The following FREM1 variants were observed in gnomAD, a reference collection of about 807,000 sequenced individuals.
FREM1 encodes the protein FRAS1-related extracellular matrix protein 1.
In FREM1, 220 loss-of-function variants were observed where a neutral mutation model predicts 210.1. The observed-to-expected ratio is 1.05, with a 90% CI of 0.94 to 1.17. The LOEUF is 1.17. Among genes scored for constraint, FREM1 ranks in the 50% most tolerant of loss-of-function variants. The probability of loss-of-function intolerance (pLI) is 0.00; values close to 1 mark genes in which losing one functional copy is unlikely to be tolerated. For synonymous variants in FREM1, 1,189 were observed against 980.2 expected (o/e 1.21, Z -3.98); for missense variants, 3,454 against 2,675.5 (o/e 1.29, Z -6.42).
intron 25 of FREM1, among the ~76,000 whole-genome samples, chr9:14,773,202 T>G (rs1354787015): frequency 6.6e-6 from 1 of 152,202 alleles, no homozygotes; most frequent in Non-Finnish European, 1.5e-5. Context: ...ACCTGACCCC[T>G]TTAAAGGAGA....
chr9:14,868,432 G>T (rs575804180), intron 2 of FREM1, among the ~76,000 whole-genome samples: 1 of 152,252 alleles, frequency 6.6e-6, no homozygotes, highest in South Asian at 2.1e-4. Flanking sequence ...AAAATTACAT[G>T]CATCCATATT....
intron 21 of FREM1, among the ~76,000 whole-genome samples, chr9:14,795,191 C>T (rs749982705): frequency 3.9e-4 from 59 of 152,182 alleles, no homozygotes; most frequent in African/African-American, 1.3e-3. Context: ...GCACTTACCA[C>T]GTAGTAGCTA....
At chr9:14,789,434 G>C (rs895608638) in intron 22 of FREM1, among the ~76,000 whole-genome samples, 9 of 152,104 alleles carry the variant, frequency 5.9e-5, no homozygotes, top group Non-Finnish European at 1.0e-4. Context: ...AAGAGGAGGT[G>C]GGTAATCGAG....
rs1821859110 is a variant in FREM1, at chr9:14,824,011, G to A, written c.2169+14C>T. ...TTGCATCATGTTTGTCAGCATTTTA[G>A]CATATCCTCATACCTGAGTGAATGA... On this transcript the variant is annotated intron_variant, in intron 12 of 36. Coordinates refer to ENST00000380880, the MANE Select transcript of FREM1 (RefSeq NM_001379081.2). 1.3e-6 allele frequency: 2 copies of A among 1,526,408 alleles called. No homozygotes were observed. The highest frequency in any genetic ancestry group is 1.2e-5 in the South Asian group (1 of 83,552). 94.6% of individuals were successfully genotyped at this position (1,526,408 alleles called of 1,614,324 possible). A position where few individuals can be genotyped will look rare whatever the true frequency, so the allele number is the denominator to read the frequency against.
intron 10 of FREM1, among the ~76,000 whole-genome samples, chr9:14,838,489 GCACACACACACA>G (rs4008011): frequency 6.7e-6 from 1 of 150,000 alleles, no homozygotes; most frequent in Non-Finnish European, 1.5e-5. Context: ...ATGCTTGCCA[GCACACACACACA>G]CACACACATA....
intron 10 of FREM1, among the ~76,000 whole-genome samples, chr9:14,833,541 C>A (rs80060310): frequency 0.01 from 1,578 of 152,240 alleles, 17 homozygotes; most frequent in Middle Eastern, 0.027. Flanking sequence ...TTTGAAAATA[C>A]CTTGCACACT....
At chr9:14,902,220 T>C (rs533336601) in intron 1 of FREM1, among the ~76,000 whole-genome samples, 1 of 152,308 alleles carries the variant, frequency 6.6e-6, no homozygotes, top group South Asian at 2.1e-4. Context: ...TAATGCCAGA[T>C]CTCTCTGGCC....
chr9:14,806,404 T>C (rs1223765877), intron 18 of FREM1, among the ~76,000 whole-genome samples: 1 of 152,064 alleles, frequency 6.6e-6, no homozygotes, highest in Non-Finnish European at 1.5e-5. Context: ...TACAGGCATA[T>C]GCCACCACAC....
At position 14,805,151 on chromosome 9, in the gene FREM1, A is replaced by T. The variant is rs1818130635; in HGVS notation, c.3276T>A (p.Asp1092Glu). The T allele has an allele frequency of 6.5e-7, 1 of 1,542,938 alleles. No homozygotes were observed. The highest frequency in any genetic ancestry group is 8.7e-7 in the Non-Finnish European group (1 of 1,143,928). ...FEKSNIGISIDSFQWKDMNAF... is the reference protein window; with the variant it reads ...FEKSNIGISIESFQWKDMNAF... ...CGTTCATGTCTTTCCACTGAAATGA[A>T]TCTAGAGCACACCAAGATGGAACAG... The change falls in exon 19 of 37, where the codon GAT (aspartate) becomes GAA (glutamate). Residue 1092 changes from aspartate to glutamate, a missense_variant and splice_region_variant. Asp to Glu is a conservative substitution (Grantham distance 45). Transcript: ENST00000380880.
At chr9:14,798,785 T>C (rs1251432251) in intron 20 of FREM1, among the ~76,000 whole-genome samples, 1 of 152,082 alleles carries the variant, frequency 6.6e-6, no homozygotes, top group Non-Finnish European at 1.5e-5. Context: ...GCGATTCTCA[T>C]GCCTCAGCCT....
At chr9:14,816,063 T>C (rs7853879) in intron 15 of FREM1, among the ~76,000 whole-genome samples, 4,689 of 152,254 alleles carry the variant, frequency 0.031, 215 homozygotes, top group African/African-American at 0.1. Flanking sequence ...CACACACATA[T>C]ACATGGCTTT....
chr9:14,747,862 C>G (rs1336710949), intron 31 of FREM1, 134 bp from the exon 32 acceptor site: 1 of 514,034 alleles, frequency 1.9e-6, no homozygotes, highest in African/African-American at 2.0e-5. Flanking sequence ...ATTTCCCACG[C>G]CCAAATCATT....
chr9:14,746,979 G>A lies in FREM1; in HGVS notation c.6082C>T (p.Gln2028Ter). ...ATCCCATTGCACTGATACAGCTTCT[G>A]GATGCCTTCTTCAAAATGGAAGAGT... ...KGLFHFEEGIQKLYQCNGIAW... is the reference protein window; with the variant it reads ...KGLFHFEEGI Residue 2028 changes from glutamine to a stop codon, truncating the protein, a stop_gained, in exon 34 of 37, where the codon CAG becomes TAG. Transcript: ENST00000380880. LOFTEE classifies it high-confidence loss of function. 6.2e-7 allele frequency: 1 copy of A among 1,613,236 alleles called. No individual in the cohort carries two copies.
At chr9:14,852,617 C>T (rs1827986893) in intron 5 of FREM1, among the ~76,000 whole-genome samples, 1 of 152,162 alleles carries the variant, frequency 6.6e-6, no homozygotes, top group South Asian at 2.1e-4. Flanking sequence ...TCACTTGAGC[C>T]CAGGAGTTTG....
intron 1 of FREM1, among the ~76,000 whole-genome samples, chr9:14,894,120 C>T (rs1355182633): frequency 6.6e-6 from 1 of 152,072 alleles, no homozygotes; most frequent in Non-Finnish European, 1.5e-5. Context: ...TGACATTTGG[C>T]TTATTTGGTA....
intron 24 of FREM1, among the ~76,000 whole-genome samples, chr9:14,780,447 A>AAAAAAAAAAAAAAAAAAAAAAAC: frequency 6.6e-6 from 1 of 151,296 alleles, no homozygotes; most frequent in Non-Finnish European, 1.5e-5. Context: ...AAAAAAAAAA[A>AAAAAAAAAAAAAAAAAAAAAAAC]AAAGTCCAGC....
chr9:14,894,094 T>C (rs1243232804), intron 1 of FREM1, among the ~76,000 whole-genome samples: 1 of 152,224 alleles, frequency 6.6e-6, no homozygotes, highest in African/African-American at 2.4e-5. Context: ...ACATTAATAG[T>C]ACACTAATAC....
At chr9:14,820,635 T>C (rs1473652814) in intron 13 of FREM1, among the ~76,000 whole-genome samples, 2 of 152,214 alleles carry the variant, frequency 1.3e-5, no homozygotes, top group Non-Finnish European at 2.9e-5. Context: ...GCATTCATGG[T>C]GCCACAAGGG....
In FREM1 at chr9:14,836,033, C is replaced by A. The variant is rs1167841628; in HGVS notation, c.1881+5414G>T. ...CAATATGCTAGTTCTGGGCAATTATCTTGCAACTTCTGCCGGGTAATGAAA... is the reference window on the plus strand; with the variant it reads ...CAATATGCTAGTTCTGGGCAATTATATTGCAACTTCTGCCGGGTAATGAAA... On this transcript the variant is annotated intron_variant, in intron 10 of 36. Transcript: ENST00000380880. The surrounding 1 kb of genome is among the most constrained non-coding windows in gnomAD (Gnocchi z 4.9). Among the ~76,000 whole-genome samples, 1 of 152,202 alleles carries A rather than the reference C, an allele frequency of 6.6e-6. No individual in the cohort carries two copies. The highest frequency in any genetic ancestry group is 1.5e-5 in the Non-Finnish European group (1 of 68,030).
Sources: allele counts gnomAD v4.1 joint callset (sites outside exome capture counted in the v4.1 genomes callset), GRCh38; gene constraint gnomAD v4.1.1; non-coding constraint Gnocchi (gnomAD v3.1); transcripts MANE v1.5; gene names NCBI Gene and HGNC (gene_info 2026-07-23, HGNC 2026-07-21).